Variants in ZNF280D observed in about 807,000 individuals in gnomAD.
The protein encoded by ZNF280D is zinc finger protein 280D, also known as suppressor of hairy wing homolog 4.
In ZNF280D, 39 loss-of-function variants were observed where a neutral mutation model predicts 94.7. The ratio of observed to expected loss-of-function variants is 0.41; its 90% CI spans 0.32 to 0.54. The LOEUF (loss-of-function observed/expected upper bound fraction) is 0.54. Among genes scored for constraint, ZNF280D ranks in the 20% least tolerant of loss-of-function variants. ZNF280D has a pLI of 0.22. For synonymous variants in ZNF280D, 398 were observed against 377.6 expected, an observed-to-expected ratio of 1.05 and a Z score of -0.63; for missense variants, 1,090 against 1,149.3, an observed-to-expected ratio of 0.95 and a Z score of 0.75.
At chr15:56,730,940 A>G (rs1211795095) in intron 1 of ZNF280D, among the ~76,000 whole-genome samples, 4 of 152,216 alleles carry the variant, frequency 2.6e-5, no homozygotes, top group Admixed American at 2.0e-4. Flanking sequence ...TCACCACCTT[A>G]TCTAAGAGAT....
intron 6 of ZNF280D, chr15:56,698,400 A>G (rs1276945731): frequency 2.0e-5 from 3 of 152,216 alleles, no homozygotes; most frequent in African/African-American, 4.8e-5. Context: ...CCAAAATTCT[A>G]ATTTTTGCTT....
chr15:56,652,805 C>T, intron 19 of ZNF280D: 2 of 984,348 alleles, frequency 2.0e-6, no homozygotes, highest in Non-Finnish European at 2.4e-6. Flanking sequence ...CCCAATAGGA[C>T]AGAGTATCTA....
In ZNF280D at chr15:56,630,709, G is replaced by T. The variant is rs879924233; in HGVS notation, c.*789C>A. 11 of 152,018 alleles carry T rather than the reference G, an allele frequency of 7.2e-5. No individual in the cohort carries two copies. Among genetic ancestry groups the T allele is most frequent in the Non-Finnish European group, 1.6e-4 (11 of 67,962 alleles). 9.4% of individuals were successfully genotyped at this position (152,018 alleles called of 1,614,324 possible). A position where few individuals can be genotyped will look rare whatever the true frequency, so the allele number is the denominator to read the frequency against. On this transcript the variant is annotated 3_prime_UTR_variant, in exon 22 of 22. Coordinates refer to ENST00000267807, the MANE Select transcript of ZNF280D (RefSeq NM_017661.4). ...ATAGCTACAGGAGTTTCAACAATGG[G>T]TTTCTACTTTACATTAATACAACTA...
At chr15:56,708,333 T>A (rs775729261) in intron 1 of ZNF280D, among the ~76,000 whole-genome samples, 1 of 152,184 alleles carries the variant, frequency 6.6e-6, no homozygotes, top group Non-Finnish European at 1.5e-5. Flanking sequence ...AGTTCTAAAG[T>A]TGTACTATTA....
intron 1 of ZNF280D, among the ~76,000 whole-genome samples, chr15:56,727,804 C>T (rs1382289245): frequency 1.3e-5 from 2 of 152,228 alleles, no homozygotes; most frequent in Non-Finnish European, 2.9e-5. Context: ...TAAGGGAAAT[C>T]TCAGACTGAG....
At chr15:56,707,009 T>C in intron 3 of ZNF280D, 73 bp downstream of exon 3, 1 of 1,463,460 alleles carries the variant, frequency 6.8e-7, no homozygotes. Flanking sequence ...TCTCCCAACT[T>C]TCATCCTTTC....
At chr15:56,713,893 T>C (rs1048138703) in intron 1 of ZNF280D, among the ~76,000 whole-genome samples, 1 of 152,160 alleles carries the variant, frequency 6.6e-6, no homozygotes, top group African/African-American at 2.4e-5. Context: ...TGATGATACC[T>C]ACTTTGGCAC....
chr15:56,631,682 T>A lies in ZNF280D; in HGVS notation c.2756A>T (p.Glu919Val). 1 of 1,614,142 alleles carries A rather than the reference T, an allele frequency of 6.2e-7. No individual in the cohort carries two copies. The highest frequency in any genetic ancestry group is 8.5e-7 in the Non-Finnish European group (1 of 1,180,012). Reference sequence around the variant, plus strand: ...AAGTACCTCGGATGGAGTCAGAGGTTCCAAATGAATACTGCCTTGCTCGCT... The same window carrying A: ...AAGTACCTCGGATGGAGTCAGAGGTACCAAATGAATACTGCCTTGCTCGCT... ...DVSEQGSIHLEPLTPSEVLEY... is the reference protein window; with the variant it reads ...DVSEQGSIHLVPLTPSEVLEY... Residue 919 changes from glutamate to valine, a missense_variant, in exon 22 of 22, where the codon GAA (glutamate) becomes GTA (valine). Physicochemically the swap from Glu to Val is moderately radical, Grantham distance 121. Around this residue, in one of 3 missense-constraint regions of ZNF280D, gnomAD observed 577 missense variants for 568.8 expected, o/e 1.01. Transcript: ENST00000267807.
chr15:56,666,529 A>G lies in ZNF280D; in HGVS notation c.1860T>C (p.Arg620=), dbSNP rs370839394. The G allele has an allele frequency of 1.3e-6, 2 of 1,590,318 alleles. No individual in the cohort carries two copies. The highest frequency in any genetic ancestry group is 4.5e-5 in the East Asian group (2 of 44,256). ...ACTCAATGCATTTGTGAATGCCCCG[A>G]CGATACCTTAGGGAGACATTAAAAA... ...VNTALRNLRY[R]RGIHKCIECC... Residue 620 remains arginine, a synonymous_variant, in exon 16 of 22, where the codon CGT becomes CGC. Transcript: ENST00000267807.
In ZNF280D at chr15:56,635,201, G is replaced by A. The variant is rs1297092246; in HGVS notation, c.2309C>T (p.Ser770Phe). The A allele has an allele frequency of 6.5e-7, 1 of 1,546,386 alleles. No homozygotes were observed. The highest frequency in any genetic ancestry group is 2.0e-5 in the Admixed American group (1 of 51,122). The change falls in exon 21 of 22, where the codon TCT becomes TTT. Residue 770 changes from serine to phenylalanine, a missense_variant. Transcript: ENST00000267807. Reference protein sequence around the residue: ...MAERETETSNSESKQDKAASS... With the variant: ...MAERETETSNFESKQDKAASS... ...AGTTTTTCCTTATATTTACCTTTCA[G>A]AATTTGATGTTTCTGTTTCTCTTTC...
Position 56,689,383 on chromosome 15 carries a change from C to G in ZNF280D, c.587G>C (p.Ser196Thr). 1 of 1,610,184 alleles carries G rather than the reference C, an allele frequency of 6.2e-7. No homozygotes were observed. The highest frequency in any genetic ancestry group is 8.5e-7 in the Non-Finnish European group (1 of 1,178,120). Reference protein sequence around the residue: ...VNPKKPKPSESVSGANSSAVL... With the variant: ...VNPKKPKPSETVSGANSSAVL... ...AGCTGAGGAATTTGCTCCAGAAACACTTTCGCTGGGTTTAGGCTTCTTTGG... is the reference window on the plus strand; with the variant it reads ...AGCTGAGGAATTTGCTCCAGAAACAGTTTCGCTGGGTTTAGGCTTCTTTGG... The change falls in exon 8 of 22, where the codon AGT (serine) becomes ACT (threonine). Residue 196 changes from serine to threonine, a missense_variant. Physicochemically the swap from Ser to Thr is moderately conservative, Grantham distance 58. This residue lies in a region of ZNF280D where 386 missense variants were observed against 372.0 expected (regional missense o/e 1.04). Transcript: ENST00000267807.
intron 6 of ZNF280D, among the ~76,000 whole-genome samples, chr15:56,695,965 T>C (rs944915214): frequency 6.6e-6 from 1 of 152,198 alleles, no homozygotes; most frequent in Non-Finnish European, 1.5e-5. Context: ...TATTACTTCA[T>C]AAGAGAAACA....
rs377507181 is a variant in ZNF280D, at chr15:56,692,124, C to T, written c.499+974G>A. 4.6e-5 allele frequency among the ~76,000 whole-genome samples: 7 copies of T among 152,166 alleles called. No homozygotes were observed. The East Asian group carries it at 1.4e-3, about 29-fold the overall frequency. On this transcript the variant is annotated intron_variant, in intron 7 of 21. Coordinates refer to ENST00000267807, the MANE Select transcript of ZNF280D (RefSeq NM_017661.4). ...CTTTTTCTATGAATAAATCTACATG[C>T]TTTATGAAACCAGACTTAAGACAAC...
At chr15:56,688,768 C>A in intron 9 of ZNF280D, 1 of 187,266 alleles carries the variant, frequency 5.3e-6, no homozygotes, top group Non-Finnish European at 1.1e-5. Flanking sequence ...AGAGTATGAC[C>A]TAATAAATAA....
rs1355924170 is a variant in ZNF280D at position 56,733,433 on chromosome 15, CGGGCGG to C, written c.-86+19_-86+24del. 9.5e-7 allele frequency: 1 copy of C among 1,051,998 alleles called. No individual in the cohort carries two copies. Among genetic ancestry groups the C allele is most frequent in the Non-Finnish European group, 1.2e-6 (1 of 866,926 alleles). 65.2% of individuals were successfully genotyped at this position (1,051,998 alleles called of 1,614,324 possible). Reference sequence around the variant, plus strand: ...GGCCTCTGCCTGCTGCAGCGCAGGGCGGGCGGGGGCGGGGGGGCGCTTACCGTGAGC... The same window carrying C: ...GGCCTCTGCCTGCTGCAGCGCAGGGCGGGCGGGGGGGCGCTTACCGTGAGC... On this transcript the variant is annotated intron_variant, in intron 1 of 21. Coordinates refer to ENST00000267807, the MANE Select transcript of ZNF280D (RefSeq NM_017661.4).
intron 1 of ZNF280D, among the ~76,000 whole-genome samples, chr15:56,715,730 T>TG (rs1490322995): frequency 2.0e-5 from 3 of 151,570 alleles, no homozygotes; most frequent in Non-Finnish European, 4.4e-5. Flanking sequence ...AAAAAAAAAA[T>TG]TAACAAAAAT....
chr15:56,642,733 T>C (rs140730578), intron 20 of ZNF280D, among the ~76,000 whole-genome samples: 70 of 151,900 alleles, frequency 4.6e-4, no homozygotes, highest in African/African-American at 1.6e-3. Flanking sequence ...AAGTGAAATA[T>C]AAGATGTCTT....
At chr15:56,691,073 C>G (rs1325000674) in intron 7 of ZNF280D, among the ~76,000 whole-genome samples, 1 of 151,874 alleles carries the variant, frequency 6.6e-6, no homozygotes, top group Admixed American at 6.6e-5. Flanking sequence ...CTTAAGGCAC[C>G]CAACAAAACA....
At chr15:56,667,502 G>A (rs1277975111) in intron 14 of ZNF280D, among the ~76,000 whole-genome samples, 1 of 152,092 alleles carries the variant, frequency 6.6e-6, no homozygotes, top group Non-Finnish European at 1.5e-5. Flanking sequence ...TTATTATACT[G>A]CATAGAGGGC....
Sources: gnomAD v4.1 joint callset for allele counts (sites outside exome capture counted in the v4.1 genomes callset) on GRCh38, gnomAD v4.1.1 for gene constraint, gnomAD v4.1.1 regional missense constraint, MANE v1.5 for transcripts, NCBI Gene and HGNC (gene_info 2026-07-23, HGNC 2026-07-21) for gene names.